The following DDAH1 variants were observed in gnomAD, a reference collection of about 807,000 sequenced individuals.
The protein encoded by DDAH1 is dimethylarginine dimethylaminohydrolase 1.
Under a neutral mutation model 28.8 loss-of-function variants are expected in DDAH1, and 19 were observed. The observed-to-expected ratio is 0.66, with a 90% CI of 0.46 to 0.97. DDAH1 has a LOEUF of 0.97. DDAH1 is among the 50% of genes least tolerant of loss of function. The probability of loss-of-function intolerance (pLI) is 0.00; values close to 1 mark genes in which losing one functional copy is unlikely to be tolerated. For missense variants in DDAH1, 326 were observed against 375.9 expected, an observed-to-expected ratio of 0.87 and a Z score of 1.10; for synonymous variants, 153 against 154.4, an observed-to-expected ratio of 0.99 and a Z score of 0.07.
In DDAH1 at chr1:85,346,858, T is replaced by C. The variant is rs189565125; in HGVS notation, c.597+3557A>G. Reference sequence around the variant, plus strand: ...ACAGAATGGGAGAAAATTTTTGCAATCTACTCATCTGACAAAGGGTTAATA... The same window carrying C: ...ACAGAATGGGAGAAAATTTTTGCAACCTACTCATCTGACAAAGGGTTAATA... On this transcript the variant is annotated intron_variant, in intron 4 of 5. Coordinates refer to ENST00000284031, the MANE Select transcript of DDAH1 (RefSeq NM_012137.4). Among the ~76,000 whole-genome samples the C allele has an allele frequency of 7.0e-4, 106 of 152,202 alleles. No individual in the cohort carries two copies. The East Asian group carries it at 0.016, about 23-fold the overall frequency.
chr1:85,523,271 C>T (rs1374023082), intron 1 of DDAH1, among the ~76,000 whole-genome samples: 10 of 152,128 alleles, frequency 6.6e-5, no homozygotes, highest in Admixed American at 6.5e-4. Context: ...TGCAGCAGAG[C>T]AGATATTTAC....
intron 1 of DDAH1, among the ~76,000 whole-genome samples, chr1:85,400,663 G>A (rs939656401): frequency 6.6e-6 from 1 of 152,100 alleles, no homozygotes; most frequent in Non-Finnish European, 1.5e-5. Flanking sequence ...ATTTTTCTCT[G>A]AGCTTAGTAG....
intron 1 of DDAH1, among the ~76,000 whole-genome samples, chr1:85,507,783 C>G (rs1002391273): frequency 6.6e-6 from 1 of 152,110 alleles, no homozygotes; most frequent in Non-Finnish European, 1.5e-5. Flanking sequence ...ACAGCTCCCC[C>G]AGTCCTTCTC....
intron 4 of DDAH1, among the ~76,000 whole-genome samples, chr1:85,346,912 C>T (rs1306708617): frequency 1.3e-5 from 2 of 151,960 alleles, no homozygotes; most frequent in African/African-American, 4.8e-5. Flanking sequence ...CTCAAACAAA[C>T]TTACAAGAAA....
intron 1 of DDAH1, among the ~76,000 whole-genome samples, chr1:85,393,318 C>T (rs1409365512): frequency 6.6e-6 from 1 of 152,114 alleles, no homozygotes; most frequent in Non-Finnish European, 1.5e-5. Flanking sequence ...GTCTCTCCCT[C>T]AAAATAAAAA....
At chr1:85,335,713 G>A (rs1333412423) in intron 4 of DDAH1, among the ~76,000 whole-genome samples, 1 of 151,938 alleles carries the variant, frequency 6.6e-6, no homozygotes, top group Non-Finnish European at 1.5e-5. Context: ...ATCCCAGCCA[G>A]CACTTTGGGA....
At chr1:85,405,510 T>A (rs1652362060) in intron 1 of DDAH1, among the ~76,000 whole-genome samples, 1 of 152,140 alleles carries the variant, frequency 6.6e-6, no homozygotes, top group Non-Finnish European at 1.5e-5. Flanking sequence ...TCTGTAAGCT[T>A]AAAGTCTTAA....
intron 1 of DDAH1, among the ~76,000 whole-genome samples, chr1:85,432,470 G>A (rs1435852140): frequency 3.9e-5 from 6 of 152,096 alleles, no homozygotes; most frequent in South Asian, 4.2e-4. Context: ...ATTTTCGTGT[G>A]TATTGTTTCT....
chr1:85,353,836 G>A lies in DDAH1; in HGVS notation c.404-2257C>T, dbSNP rs141474488. Among the ~76,000 whole-genome samples, 320 of 152,190 alleles carry A rather than the reference G, an allele frequency of 2.1e-3. 2 individuals are homozygous for A. The highest frequency in any genetic ancestry group is 4.1e-3 in the Non-Finnish European group (280 of 67,978). Reference sequence around the variant, plus strand: ...AATTCTTTTCCAAGAAACAAAGGGAGGAAGAAAATTTCCACATTTATGTAT... The same window carrying A: ...AATTCTTTTCCAAGAAACAAAGGGAAGAAGAAAATTTCCACATTTATGTAT... On this transcript the variant is annotated intron_variant, in intron 2 of 5. Transcript: ENST00000284031.
chr1:85,513,957 G>T (rs1306621725), intron 1 of DDAH1, among the ~76,000 whole-genome samples: 1 of 152,168 alleles, frequency 6.6e-6, no homozygotes, highest in African/African-American at 2.4e-5. Context: ...ATTCCTCAAG[G>T]ATCTAGAATT....
At chr1:85,551,422 G>C (rs1003781606) in intron 1 of DDAH1, among the ~76,000 whole-genome samples, 2 of 152,200 alleles carry the variant, frequency 1.3e-5, no homozygotes, top group Non-Finnish European at 2.9e-5. Context: ...AGCTTCTTCT[G>C]AGCACACTTA....
intron 4 of DDAH1, among the ~76,000 whole-genome samples, chr1:85,347,901 A>G (rs1041251288): frequency 2.6e-5 from 4 of 152,102 alleles, no homozygotes; most frequent in Non-Finnish European, 5.9e-5. Flanking sequence ...ACCTGTGACT[A>G]TTTCCTTAGG....
intron 1 of DDAH1, among the ~76,000 whole-genome samples, chr1:85,510,506 C>A (rs1657184541): frequency 6.6e-6 from 1 of 152,112 alleles, no homozygotes; most frequent in Non-Finnish European, 1.5e-5. Flanking sequence ...ACCATATTAA[C>A]CTTAAATGTA....
chr1:85,415,659 GAA>G (rs1369562823), intron 1 of DDAH1, among the ~76,000 whole-genome samples: 1 of 152,098 alleles, frequency 6.6e-6, no homozygotes, highest in East Asian at 1.9e-4. Flanking sequence ...AGAAAAAAAT[GAA>G]ACACTATATT....
chr1:85,336,199 ATTC>A (rs1243159925), intron 4 of DDAH1, among the ~76,000 whole-genome samples: 5 of 152,142 alleles, frequency 3.3e-5, no homozygotes, highest in Non-Finnish European at 5.9e-5. Flanking sequence ...CAGAATACAC[ATTC>A]TTCTTATTAG....
chr1:85,396,361 G>A (rs575272696), intron 1 of DDAH1, among the ~76,000 whole-genome samples: 7 of 152,252 alleles, frequency 4.6e-5, no homozygotes, highest in African/African-American at 1.2e-4. Flanking sequence ...AAGCAAAAGG[G>A]AGTCACAGTA....
At chr1:85,560,695 A>C (rs952824756) in intron 1 of DDAH1, among the ~76,000 whole-genome samples, 2 of 152,090 alleles carry the variant, frequency 1.3e-5, no homozygotes, top group African/African-American at 4.8e-5. Context: ...GGAAGTATAT[A>C]GAAAATAATA....
intron 4 of DDAH1, among the ~76,000 whole-genome samples, chr1:85,334,195 C>T (rs896258151): frequency 9.9e-5 from 15 of 152,142 alleles, no homozygotes; most frequent in Admixed American, 9.2e-4. Flanking sequence ...CATTCATTCT[C>T]CTTCCTGCTG....
intron 1 of DDAH1, among the ~76,000 whole-genome samples, chr1:85,413,306 G>A (rs1652745120): frequency 6.6e-6 from 1 of 152,218 alleles, no homozygotes; most frequent in African/African-American, 2.4e-5. Flanking sequence ...TGCAGCTGCT[G>A]ATACACTGAA....
Sources: allele counts gnomAD v4.1 joint callset (sites outside exome capture counted in the v4.1 genomes callset), GRCh38; gene constraint gnomAD v4.1.1; transcripts MANE v1.5; gene names NCBI Gene and HGNC (gene_info 2026-07-23, HGNC 2026-07-21).